USP37: variants seen among roughly 807,000 people sequenced by gnomAD.
USP37 encodes ubiquitin specific peptidase 37, also known as ubiquitin carboxyl-terminal hydrolase 37.
Under a neutral mutation model 124.0 loss-of-function variants are expected in USP37, and 27 were observed. The observed-to-expected ratio is 0.22, with a 90% CI of 0.16 to 0.30. The LOEUF (loss-of-function observed/expected upper bound fraction) is 0.30, where lower values mean the gene tolerates loss of function less well. USP37 is among the 10% of genes least tolerant of loss of function. The pLI is 1.00. For missense variants in USP37, 889 were observed against 1,140.4 expected, an observed-to-expected ratio of 0.78 and a Z score of 3.17; for synonymous variants, 365 against 388.0, an observed-to-expected ratio of 0.94 and a Z score of 0.70.
intron 23 of USP37, 140 bp downstream of exon 23, chr2:218,459,650 G>A (rs1689899542): frequency 1.7e-6 from 1 of 586,904 alleles, no homozygotes; most frequent in Non-Finnish European, 3.0e-6. Flanking sequence ...CAAATGACAA[G>A]AGAAAATGAG....
chr2:218,526,979 G>A (rs953489540), intron 10 of USP37, among the ~76,000 whole-genome samples: 1 of 151,550 alleles, frequency 6.6e-6, no homozygotes, highest in Non-Finnish European at 1.5e-5. Flanking sequence ...TAGTAGAGAC[G>A]GGGTTTCACC....
intron 14 of USP37, among the ~76,000 whole-genome samples, chr2:218,489,242 C>T (rs573406741): frequency 2.3e-4 from 34 of 150,912 alleles, no homozygotes; most frequent in Middle Eastern, 3.5e-3. Flanking sequence ...CCTGTAATCC[C>T]AGCTACTTGG....
intron 2 of USP37, 106 bp downstream of exon 2, chr2:218,562,567 T>C (rs1693364519): frequency 5.1e-6 from 2 of 394,376 alleles, no homozygotes; most frequent in African/African-American, 2.1e-5. Flanking sequence ...AAATAAAGTA[T>C]GGCCAAAACA....
rs548881223 is a variant in USP37 at position 218,491,730 on chromosome 2, C to T, written c.1473-3309G>A. On this transcript the variant is annotated intron_variant, in intron 14 of 25. Coordinates refer to ENST00000258399, the MANE Select transcript of USP37 (RefSeq NM_020935.3). ...ATTATACTGGGAGAGACAATGAAAT[C>T]GACACTAGTAAAACATACAGTATGT... 1.1e-4 allele frequency among the ~76,000 whole-genome samples: 17 copies of T among 152,092 alleles called. 1 individual carries two copies. In the East Asian group the frequency reaches 2.1e-3, roughly 19 times the overall value.
At chr2:218,529,288 TTGA>T (rs1400102867) in intron 10 of USP37, among the ~76,000 whole-genome samples, 1 of 152,158 alleles carries the variant, frequency 6.6e-6, no homozygotes, top group Non-Finnish European at 1.5e-5. Flanking sequence ...GGCAGATCAC[TTGA>T]GGTCAGGAGT....
In USP37 at chr2:218,498,635, G is replaced by A. The variant is rs12992516; in HGVS notation, c.1026-478C>T. 9.9e-3 allele frequency among the ~76,000 whole-genome samples: 1,505 copies of A among 152,246 alleles called. 13 individuals carry two copies. Among genetic ancestry groups the A allele is most frequent in the Non-Finnish European group, 0.016 (1,060 of 68,026 alleles). On this transcript the variant is annotated intron_variant, in intron 11 of 25. Transcript: ENST00000258399. Reference sequence around the variant, plus strand: ...CGCAGCTACTTGCAGGCTGAGGCACGAGAATCGCTTGAACCCAGGAGGCAG... The same window carrying A: ...CGCAGCTACTTGCAGGCTGAGGCACAAGAATCGCTTGAACCCAGGAGGCAG...
chr2:218,457,613 T>C (rs1445462617), intron 23 of USP37, among the ~76,000 whole-genome samples: 1 of 152,170 alleles, frequency 6.6e-6, no homozygotes, highest in Non-Finnish European at 1.5e-5. Flanking sequence ...AACAAAAATG[T>C]TAAAAAGAGT....
intron 10 of USP37, among the ~76,000 whole-genome samples, chr2:218,521,538 TG>T (rs1348294616): frequency 1.3e-5 from 2 of 152,152 alleles, no homozygotes; most frequent in African/African-American, 4.8e-5. Flanking sequence ...CCCCTCCCTG[TG>T]TCCATGTGTT....
chr2:218,507,628 G>C (rs1203517646), intron 11 of USP37, among the ~76,000 whole-genome samples: 1 of 151,934 alleles, frequency 6.6e-6, no homozygotes, highest in Non-Finnish European at 1.5e-5. Flanking sequence ...TTTGTGAATA[G>C]GGCTTAATTG....
chr2:218,495,035 T>C (rs1038234488), intron 14 of USP37, among the ~76,000 whole-genome samples: 2 of 152,132 alleles, frequency 1.3e-5, no homozygotes, highest in African/African-American at 4.8e-5. Flanking sequence ...GGAAAAGATG[T>C]AGAATGAAAA....
intron 10 of USP37, among the ~76,000 whole-genome samples, chr2:218,514,879 CAT>C (rs936032323): frequency 4.6e-5 from 7 of 152,278 alleles, no homozygotes; most frequent in African/African-American, 1.7e-4. Flanking sequence ...TGGACTCAGA[CAT>C]ATTTATTTTT....
chr2:218,561,887 A>T (rs1693332089), intron 2 of USP37, among the ~76,000 whole-genome samples: 1 of 152,134 alleles, frequency 6.6e-6, no homozygotes, highest in African/African-American at 2.4e-5. Flanking sequence ...TAATTTCCTC[A>T]AAAATCTCTA....
chr2:218,460,546 C>CTA (rs1175393219), intron 22 of USP37, among the ~76,000 whole-genome samples: 1 of 152,066 alleles, frequency 6.6e-6, no homozygotes, highest in African/African-American at 2.4e-5. Context: ...ATGATATAAG[C>CTA]TATATATGTT....
intron 6 of USP37, among the ~76,000 whole-genome samples, chr2:218,547,423 GTTGT>G (rs1032611624): frequency 2.0e-5 from 3 of 151,138 alleles, no homozygotes; most frequent in African/African-American, 7.3e-5. Context: ...TGTTGTTGTT[GTTGT>G]TTGTTGTTGT....
At chr2:218,558,969 A>C (rs1376626637) in intron 3 of USP37, among the ~76,000 whole-genome samples, 1 of 151,278 alleles carries the variant, frequency 6.6e-6, no homozygotes, top group East Asian at 2.0e-4. Context: ...TCCTTCATGA[A>C]AGCTAATGGG....
intron 1 of USP37, among the ~76,000 whole-genome samples, chr2:218,564,179 A>T (rs547147673): frequency 1.8e-4 from 28 of 152,128 alleles, no homozygotes; most frequent in Non-Finnish European, 3.7e-4. Context: ...TATCTACTCA[A>T]ATCCCAGATT....
At chr2:218,538,763 A>G (rs1401959768) in intron 8 of USP37, among the ~76,000 whole-genome samples, 1 of 152,156 alleles carries the variant, frequency 6.6e-6, no homozygotes, top group African/African-American at 2.4e-5. Flanking sequence ...CCACACTAAA[A>G]AAGACAGCAA....
rs60648603 is a variant in USP37, at chr2:218,467,359, T to TATCTATCTATC, written c.2300-1184_2300-1183insGATAGATAGAT. Among the ~76,000 whole-genome samples the TATCTATCTATC allele has an allele frequency of 2.1e-3, 242 of 112,872 alleles. 3 individuals are homozygous for TATCTATCTATC. Among genetic ancestry groups the TATCTATCTATC allele is most frequent in the African/African-American group, 6.6e-3 (218 of 32,820 alleles). The allele number at this position is 112,872 out of a possible 152,430, so 74.0% of individuals were successfully genotyped here. A position where few individuals can be genotyped will look rare whatever the true frequency, so the allele number is the denominator to read the frequency against. On this transcript the variant is annotated intron_variant, in intron 20 of 25. Coordinates refer to ENST00000258399, the MANE Select transcript of USP37 (RefSeq NM_020935.3). ...TCTATCTATCTATCTATCTATCTAT[T>TATCTATCTATC]TTTTTTTGAGATGGAGTTTCGCTCT...
At chr2:218,534,566 A>C (rs781438758) in intron 9 of USP37, 43 bp downstream of exon 9, 1 of 1,210,878 alleles carries the variant, frequency 8.3e-7, no homozygotes, top group Non-Finnish European at 1.1e-6. Flanking sequence ...TAATAAATAT[A>C]TAATAAATGA....
Sources: gnomAD v4.1 joint callset for allele counts (sites outside exome capture counted in the v4.1 genomes callset) on GRCh38, gnomAD v4.1.1 for gene constraint, MANE v1.5 for transcripts, NCBI Gene and HGNC (gene_info 2026-07-23, HGNC 2026-07-21) for gene names.